The following PCSK6 variants were observed in gnomAD, a reference collection of about 807,000 sequenced individuals.
PCSK6 encodes the protein paired basic amino acid cleaving enzyme 4.
A neutral mutation model predicts 123.3 loss-of-function variants in PCSK6; 85 were observed. That is an observed-to-expected ratio of 0.69 (90% CI 0.58 to 0.83). The LOEUF (loss-of-function observed/expected upper bound fraction) is 0.83, where lower values mean the gene tolerates loss of function less well. PCSK6 is among the 40% of genes least tolerant of loss of function. The pLI, the probability that PCSK6 is intolerant of heterozygous loss-of-function variation, is 0.00. For missense variants in PCSK6, 1,191 were observed against 1,282.3 expected (o/e 0.93, Z 1.09); for synonymous variants, 508 against 516.0 (o/e 0.98, Z 0.21).
intron 19 of PCSK6, among the ~76,000 whole-genome samples, chr15:101,315,836 C>T (rs1012237347): frequency 2.6e-5 from 4 of 152,336 alleles, no homozygotes; most frequent in East Asian, 1.9e-4. Flanking sequence ...CCAGCAGCCC[C>T]GAAGGATTAC....
intron 6 of PCSK6, among the ~76,000 whole-genome samples, chr15:101,421,469 G>A (rs1258253432): frequency 1.3e-5 from 2 of 152,188 alleles, no homozygotes; most frequent in East Asian, 3.8e-4. Flanking sequence ...GAGTATGGCT[G>A]AAGAGATGGT....
At chr15:101,390,494 T>C (rs548540053) in intron 8 of PCSK6, among the ~76,000 whole-genome samples, 1 of 152,224 alleles carries the variant, frequency 6.6e-6, no homozygotes, top group African/African-American at 2.4e-5. Context: ...CCCTCCACCT[T>C]GGAAGAGGAA....
chr15:101,380,896 C>T (rs948550253), intron 11 of PCSK6, among the ~76,000 whole-genome samples: 2 of 152,132 alleles, frequency 1.3e-5, no homozygotes, highest in African/African-American at 4.8e-5. Context: ...CCAAAGGGAA[C>T]AAGTAGTTAT....
In PCSK6 at chr15:101,475,829, C is replaced by T. The variant is rs1249975884; in HGVS notation, c.297+13545G>A. Among the ~76,000 whole-genome samples, 3 of 152,118 alleles carry T rather than the reference C, an allele frequency of 2.0e-5. No homozygotes were observed. In the East Asian group the frequency reaches 5.8e-4, roughly 29 times the overall value. On this transcript the variant is annotated intron_variant, in intron 1 of 21. Transcript: ENST00000611716. ...TTGAATAACAATGAGGGAAAAGAAGCATATTAAAACAACCACCAGATCTCA... is the reference window on the plus strand; with the variant it reads ...TTGAATAACAATGAGGGAAAAGAAGTATATTAAAACAACCACCAGATCTCA...
chr15:101,336,245 T>C (rs1465163328), intron 13 of PCSK6, among the ~76,000 whole-genome samples: 2 of 152,226 alleles, frequency 1.3e-5, no homozygotes, highest in Non-Finnish European at 2.9e-5. Flanking sequence ...GGGATAATAA[T>C]AACGTCTCCG....
At chr15:101,366,370 G>A in intron 12 of PCSK6, 38 bp from the exon 13 acceptor site, 1 of 1,591,272 alleles carries the variant, frequency 6.3e-7, no homozygotes, top group Non-Finnish European at 8.6e-7. Context: ...TGAAGGTGCT[G>A]GTACTGAGTG....
intron 4 of PCSK6, 142 bp downstream of exon 4, chr15:101,431,178 A>G: frequency 1.2e-6 from 1 of 838,102 alleles, no homozygotes; most frequent in Non-Finnish European, 1.9e-6. Context: ...CATCTTCCTA[A>G]TTCTTTCCAG....
chr15:101,313,021 T>A (rs1430757502), intron 20 of PCSK6: 2 of 1,175,890 alleles, frequency 1.7e-6, no homozygotes, highest in African/African-American at 3.2e-5. Context: ...AATTTTTTTT[T>A]AACCCAAAAC....
At chr15:101,386,115 C>A (rs926607901) in intron 9 of PCSK6, among the ~76,000 whole-genome samples, 2 of 152,018 alleles carry the variant, frequency 1.3e-5, no homozygotes, top group Non-Finnish European at 2.9e-5. Context: ...TTACTAGGAA[C>A]GCACACCGTG....
chr15:101,406,301 C>T (rs368410692), intron 6 of PCSK6, among the ~76,000 whole-genome samples: 1 of 152,256 alleles, frequency 6.6e-6, no homozygotes, highest in African/African-American at 2.4e-5. Context: ...AGGCAGGGAG[C>T]GGGACACGCT....
intron 1 of PCSK6, among the ~76,000 whole-genome samples, chr15:101,480,104 T>C (rs1418028989): frequency 6.6e-6 from 1 of 152,206 alleles, no homozygotes; most frequent in African/African-American, 2.4e-5. Context: ...CACTGATGGA[T>C]TCCCCCCAGG....
chr15:101,416,500 G>A (rs1019697498), intron 6 of PCSK6, among the ~76,000 whole-genome samples: 8 of 152,188 alleles, frequency 5.3e-5, no homozygotes, highest in Non-Finnish European at 8.8e-5. Flanking sequence ...AATTCAAGCC[G>A]GCTGCAGAAA....
At chr15:101,481,079 CCA>C (rs2057867471) in intron 1 of PCSK6, among the ~76,000 whole-genome samples, 1 of 152,208 alleles carries the variant, frequency 6.6e-6, no homozygotes, top group Admixed American at 6.5e-5. Context: ...CTGCCGGCCA[CCA>C]CAGAGGTGGC....
chr15:101,448,096 G>T (rs1017350590), intron 1 of PCSK6, among the ~76,000 whole-genome samples: 23 of 152,222 alleles, frequency 1.5e-4, no homozygotes, highest in African/African-American at 5.3e-4. Flanking sequence ...ATACGTTCTT[G>T]TTCTCTTTGG....
At chr15:101,487,951 A>T (rs2058057804) in intron 1 of PCSK6, among the ~76,000 whole-genome samples, 1 of 151,922 alleles carries the variant, frequency 6.6e-6, no homozygotes, top group South Asian at 2.1e-4. Context: ...GTAACATTTT[A>T]TATATATATA....
At chr15:101,337,560 C>A (rs1200755400) in intron 13 of PCSK6, 5 of 152,200 alleles carry the variant, frequency 3.3e-5, no homozygotes, top group African/African-American at 9.7e-5. Context: ...GGGCTCTTTC[C>A]TATGCATGTG....
intron 6 of PCSK6, among the ~76,000 whole-genome samples, chr15:101,426,549 G>C (rs1185221648): frequency 6.6e-6 from 1 of 152,186 alleles, no homozygotes; most frequent in Admixed American, 6.5e-5. Flanking sequence ...CGCCCTTGGG[G>C]GTTAATTCTG....
rs555102436 is a variant in PCSK6, at chr15:101,389,232, G to A, written c.1310+232C>T. ...TGCCCAGTCCGTGGGACTCTGTTACGGCAGCCTGAGCTGACTAACCTGGGC... is the reference window on the plus strand; with the variant it reads ...TGCCCAGTCCGTGGGACTCTGTTACAGCAGCCTGAGCTGACTAACCTGGGC... On this transcript the variant is annotated intron_variant, in intron 9 of 21. Transcript: ENST00000611716. 1.6e-4 allele frequency among the ~76,000 whole-genome samples: 24 copies of A among 152,260 alleles called. 1 individual carries two copies. The highest frequency in any genetic ancestry group is 7.4e-5 in the Non-Finnish European group (5 of 68,022).
At chr15:101,414,891 A>G (rs1157850527) in intron 6 of PCSK6, among the ~76,000 whole-genome samples, 1 of 152,234 alleles carries the variant, frequency 6.6e-6, no homozygotes, top group East Asian at 1.9e-4. Context: ...GTTAAAATAT[A>G]AATCCAGATA....
Sources: gnomAD v4.1 joint callset for allele counts (sites outside exome capture counted in the v4.1 genomes callset) on GRCh38, gnomAD v4.1.1 for gene constraint, MANE v1.5 for transcripts, NCBI Gene and HGNC (gene_info 2026-07-23, HGNC 2026-07-21) for gene names.